Variants in TECPR1 observed in about 807,000 individuals in gnomAD.
TECPR1 encodes the protein tectonin beta-propeller repeat containing 1, also known as tectonin beta-propeller repeat-containing protein 1.
In TECPR1, 122 loss-of-function variants were observed where a neutral mutation model predicts 162.4. The ratio of observed to expected loss-of-function variants is 0.75; its 90% CI spans 0.65 to 0.87. The LOEUF is 0.87. Among genes scored for constraint, TECPR1 ranks in the 40% least tolerant of loss-of-function variants. The pLI, the probability that TECPR1 is intolerant of heterozygous loss-of-function variation, is 0.00. For synonymous variants in TECPR1, 642 were observed against 670.6 expected (o/e 0.96, Z 0.66); for missense variants, 1,432 against 1,618.2 (o/e 0.88, Z 1.97).
intron 10 of TECPR1, among the ~76,000 whole-genome samples, chr7:98,236,364 C>A (rs1798600421): frequency 6.6e-6 from 1 of 152,166 alleles, no homozygotes; most frequent in Non-Finnish European, 1.5e-5. Context: ...GACCCTCTGT[C>A]TTGTCCTTGT....
intron 25 of TECPR1, 24 bp downstream of exon 25, chr7:98,217,668 C>G: frequency 6.5e-7 from 1 of 1,527,488 alleles, no homozygotes; most frequent in Non-Finnish European, 8.8e-7. Context: ...GATAACACAG[C>G]CCAAGGCCGC....
intron 15 of TECPR1, among the ~76,000 whole-genome samples, chr7:98,229,945 A>C: frequency 6.9e-6 from 1 of 144,816 alleles, no homozygotes; most frequent in African/African-American, 2.6e-5. Context: ...TGTCCTCAGG[A>C]CTCAGCTCAG....
chr7:98,250,497 G>A (rs1484409526), intron 2 of TECPR1, among the ~76,000 whole-genome samples: 1 of 152,080 alleles, frequency 6.6e-6, no homozygotes. Context: ...AATTAGCCAG[G>A]TGTGGTGGCA....
rs746151609 is a variant in TECPR1 at position 98,222,458 on chromosome 7, A to T, written c.2992T>A (p.Tyr998Asn). ...TCCCTTGCCACGGCCCACACCTGGT[A>T]GCAGGCCCCGATGGAGATGGAGGCG... ...PFASISIGACYQVWAVARDGS... is the reference protein window; with the variant it reads ...PFASISIGACNQVWAVARDGS... Residue 998 changes from tyrosine (Y) to asparagine (N), a missense_variant, in exon 22 of 26, where the codon TAC becomes AAC. Tyr to Asn is a moderately radical substitution (Grantham distance 143). Transcript: ENST00000447648. 2.3e-5 allele frequency: 36 copies of T among 1,595,874 alleles called. No homozygotes were observed. In the East Asian group the frequency reaches 8.2e-4, roughly 36 times the overall value.
chr7:98,217,891 G>A, intron 24 of TECPR1, 45 bp downstream of exon 24: 1 of 1,546,146 alleles, frequency 6.5e-7, no homozygotes, highest in East Asian at 2.5e-5. Flanking sequence ...ACCAGAGAGG[G>A]AACCAGAGCA....
At chr7:98,226,640 A>C (rs1798285266) in intron 17 of TECPR1, 3 of 1,066,284 alleles carry the variant, frequency 2.8e-6, no homozygotes, top group Middle Eastern at 4.5e-4. Flanking sequence ...AAAAGGCAGA[A>C]GTGGAGGCCG....
At chr7:98,236,069 A>G (rs1165688786) in intron 10 of TECPR1, among the ~76,000 whole-genome samples, 1 of 152,120 alleles carries the variant, frequency 6.6e-6, no homozygotes, top group African/African-American at 2.4e-5. Context: ...ATCCATGCCC[A>G]TGATGTGGAC....
chr7:98,239,157 G>A (rs79643911), intron 8 of TECPR1, among the ~76,000 whole-genome samples: 8 of 152,170 alleles, frequency 5.3e-5, no homozygotes, highest in African/African-American at 1.9e-4. Context: ...GCTCCACCCC[G>A]CCACCCGGCA....
rs1336903757 is a variant in TECPR1, at chr7:98,232,972, C to A, written c.1673G>T (p.Gly558Val). Residue 558 changes from glycine (G) to valine (V), a missense_variant and splice_region_variant, in exon 12 of 26, where the codon GGC (glycine) becomes GTC (valine). Coordinates refer to ENST00000447648, the MANE Select transcript of TECPR1 (RefSeq NM_015395.3). The surrounding 1 kb of genome is among the most constrained non-coding windows in gnomAD (Gnocchi z 4.6). The stretch of plus-strand genomic sequence containing the variant: ...CAGCATGTGTACCGAGGAGGACAGG[C>A]CTGTGGGGCAGAGAGAGCCTCAGGG... ...AMPRWFTVQA[G>V]LSSSVHMLSL... 2 of 1,604,802 alleles carry A rather than the reference C, an allele frequency of 1.2e-6. No homozygotes were observed. Among genetic ancestry groups the A allele is most frequent in the Non-Finnish European group, 1.7e-6 (2 of 1,175,402 alleles).
chr7:98,231,984 C>A, intron 12 of TECPR1, 25 bp from the exon 13 acceptor site: 1 of 1,580,158 alleles, frequency 6.3e-7, no homozygotes. Flanking sequence ...GCAGTGGACA[C>A]CATCACAGGC....
rs540885326 is a variant in TECPR1 at position 98,220,770 on chromosome 7, A to G, written c.3157+891T>C. 9.2e-5 allele frequency among the ~76,000 whole-genome samples: 14 copies of G among 152,112 alleles called. No homozygotes were observed. The South Asian group carries it at 2.9e-3, about 32-fold the overall frequency. On this transcript the variant is annotated intron_variant, in intron 23 of 25. Coordinates refer to ENST00000447648, the MANE Select transcript of TECPR1 (RefSeq NM_015395.3). ...AGACAGGGTTTCACTGTTAGCCAGG[A>G]TGGTCTCGATTTCCTGACCTTGTGA...
At chr7:98,247,708 T>C (rs1798948698) in intron 2 of TECPR1, among the ~76,000 whole-genome samples, 1 of 152,068 alleles carries the variant, frequency 6.6e-6, no homozygotes, top group African/African-American at 2.4e-5. Context: ...TCTCTACTCC[T>C]TTCTTTTTCT....
At chr7:98,219,758 G>A (rs921360980) in intron 23 of TECPR1, among the ~76,000 whole-genome samples, 4 of 151,846 alleles carry the variant, frequency 2.6e-5, no homozygotes, top group Admixed American at 1.3e-4. Context: ...AAAATTAGCC[G>A]GGTGTGTTGG....
intron 20 of TECPR1, 30 bp from the exon 21 acceptor site, chr7:98,223,200 G>A: frequency 6.4e-7 from 1 of 1,554,492 alleles, no homozygotes. Flanking sequence ...CACAGCCCAG[G>A]GACCCCAAGG....
chr7:98,248,092 C>T (rs1798958176), intron 2 of TECPR1, among the ~76,000 whole-genome samples: 1 of 152,174 alleles, frequency 6.6e-6, no homozygotes, highest in Non-Finnish European at 1.5e-5. Context: ...TGCCACTGAC[C>T]ACCCCTGGCC....
intron 10 of TECPR1, among the ~76,000 whole-genome samples, chr7:98,236,555 C>T (rs1461192046): frequency 1.3e-5 from 2 of 151,736 alleles, no homozygotes; most frequent in Non-Finnish European, 2.9e-5. Context: ...TCAAACACCT[C>T]CAGTGGCCAC....
rs555590354 is a variant in TECPR1 at position 98,232,283 on chromosome 7, G to A, written c.1819-324C>T. On this transcript the variant is annotated intron_variant, in intron 12 of 25. Transcript: ENST00000447648. The surrounding 1 kb of genome is among the most constrained non-coding windows in gnomAD (Gnocchi z 4.6). The stretch of plus-strand genomic sequence containing the variant: ...CTTTGGTGTCACAGAGTGAGCCAGC[G>A]GCAGAGCTAGAACCCAAACCACAGC... 3.6e-4 allele frequency among the ~76,000 whole-genome samples: 55 copies of A among 152,142 alleles called. No homozygotes were observed. Among genetic ancestry groups the A allele is most frequent in the Non-Finnish European group, 7.2e-4 (49 of 68,014 alleles).
rs758667858 is a variant in TECPR1 at position 98,238,515 on chromosome 7, G to A, written c.1029C>T (p.Asn343=). The A allele has an allele frequency of 4.3e-5, 67 of 1,561,482 alleles. 1 individual carries two copies. Among genetic ancestry groups the A allele is most frequent in the Middle Eastern group, 1.7e-4 (1 of 5,730 alleles). Residue 343 remains asparagine (N), a synonymous_variant, in exon 9 of 26, where the codon AAC becomes AAT. Transcript: ENST00000447648. ...TGCAGACCCACGTGCACACCTGGTC[G>A]TTCATTCCCACGTTCACCATCGTCA... ...GEMTMVNVGM[N]DQVWGIGCED... is the part of the protein sequence containing the mutation.
chr7:98,235,690 T>C (rs187593708), intron 10 of TECPR1, among the ~76,000 whole-genome samples: 377 of 150,692 alleles, frequency 2.5e-3, no homozygotes, highest in Non-Finnish European at 4.4e-3. Flanking sequence ...ATTAGCCAGG[T>C]GTGGTGGTGA....
Sources: allele counts gnomAD v4.1 joint callset (sites outside exome capture counted in the v4.1 genomes callset), GRCh38; gene constraint gnomAD v4.1.1; non-coding constraint Gnocchi (gnomAD v3.1); transcripts MANE v1.5; gene names NCBI Gene and HGNC (gene_info 2026-07-23, HGNC 2026-07-21).